The following CHST4 variants were observed in gnomAD, a reference collection of about 807,000 sequenced individuals.
CHST4 encodes GST-3.
For synonymous variants in CHST4, 171 were observed against 195.5 expected, an observed-to-expected ratio of 0.87 and a Z score of 1.05; for missense variants, 466 against 506.0, an observed-to-expected ratio of 0.92 and a Z score of 0.76.
chr16:71,529,541 C>CTTTTT (rs1217192011), intron 1 of CHST4, among the ~76,000 whole-genome samples: 1 of 58,734 alleles, frequency 1.7e-5, no homozygotes, highest in Admixed American at 1.9e-4. Context: ...CCATGCTCAT[C>CTTTTT]TATTTTTTTT....
At position 71,537,091 on chromosome 16, in the gene CHST4, T is replaced by A; in HGVS notation, c.414T>A (p.Cys138Ter). The A allele has an allele frequency of 1.9e-6, 3 of 1,614,128 alleles. No homozygotes were observed. Among genetic ancestry groups the A allele is most frequent in the Non-Finnish European group, 1.7e-6 (2 of 1,180,006 alleles). ...NSRALCSAPA[C>*]DIIPQDEIIP... is the part of the protein sequence containing the mutation. ...GGGCCCTGTGTTCTGCACCTGCCTGTGACATCATCCCACAAGATGAAATCA... is the reference window on the plus strand; with the variant it reads ...GGGCCCTGTGTTCTGCACCTGCCTGAGACATCATCCCACAAGATGAAATCA... Residue 138 changes from cysteine to a stop codon, truncating the protein, a stop_gained, in exon 2 of 2, where the codon TGT becomes TGA. Coordinates refer to ENST00000539698, the MANE Select transcript of CHST4 (RefSeq NM_001166395.2). LOFTEE classifies it low-confidence loss of function (END_TRUNC). The surrounding 1 kb of genome is among the most constrained non-coding windows in gnomAD (Gnocchi z 4.2).
intron 1 of CHST4, among the ~76,000 whole-genome samples, chr16:71,530,907 C>A (rs576592006): frequency 2.0e-5 from 3 of 152,012 alleles, no homozygotes; most frequent in Admixed American, 6.6e-5. Flanking sequence ...ATGGCGAAAC[C>A]CTGTCTCTAC....
intron 1 of CHST4, among the ~76,000 whole-genome samples, chr16:71,529,605 G>A (rs1490528516): frequency 7.7e-6 from 1 of 129,210 alleles, no homozygotes; most frequent in Non-Finnish European, 1.5e-5. Flanking sequence ...TGACCAGGCT[G>A]GAGTGCAGCG....
Position 71,537,799 on chromosome 16 carries a change from T to C in CHST4, c.1122T>C (p.Asp374=). The C allele has an allele frequency of 5.6e-6, 9 of 1,613,984 alleles. No homozygotes were observed. Among genetic ancestry groups the C allele is most frequent in the Non-Finnish European group, 7.6e-6 (9 of 1,180,008 alleles). The part of the protein sequence containing the change: ...SEQEQRNLLL[D]LLSTWTVPEQ... Reference sequence around the variant, plus strand: ...AAGAACAGAGAAACCTGTTGCTGGATCTTCTGTCTACCTGGACTGTCCCTG... The same window carrying C: ...AAGAACAGAGAAACCTGTTGCTGGACCTTCTGTCTACCTGGACTGTCCCTG... Residue 374 remains aspartate (D), a synonymous_variant, in exon 2 of 2, where the codon GAT becomes GAC. Transcript: ENST00000539698. This position sits in a 1 kb window ranked among gnomAD's most constrained non-coding sequence, Gnocchi z 4.2.
At position 71,530,604 on chromosome 16, in the gene CHST4, A is replaced by T. The variant is rs116168706; in HGVS notation, c.-19+4109A>T. 7.0e-3 allele frequency among the ~76,000 whole-genome samples: 1,057 copies of T among 151,558 alleles called. 12 individuals carry two copies. Among genetic ancestry groups the T allele is most frequent in the African/African-American group, 0.025 (1,014 of 41,266 alleles). On this transcript the variant is annotated intron_variant, in intron 1 of 1. Coordinates refer to ENST00000539698, the MANE Select transcript of CHST4 (RefSeq NM_001166395.2). ...AATATAGTGAGGGCCAGTCTCTAGT[A>T]AAAAATGAAAAAATTATCTGGGTGT...
Position 71,538,105 on chromosome 16 carries a change from G to A in CHST4, c.*267G>A. 2.0e-6 allele frequency: 1 copy of A among 489,164 alleles called. No homozygotes were observed. Among genetic ancestry groups the A allele is most frequent in the Non-Finnish European group, 3.7e-6 (1 of 267,996 alleles). 30.3% of individuals were successfully genotyped at this position (489,164 alleles called of 1,614,324 possible). A position where few individuals can be genotyped will look rare whatever the true frequency, so the allele number is the denominator to read the frequency against. On this transcript the variant is annotated 3_prime_UTR_variant, in exon 2 of 2. Transcript: ENST00000539698. ...CTTCTTTTCTTGATCTTCCTGTCTG[G>A]GCAGACTTCAGAGACTTTGTGGCCT...
intron 1 of CHST4, among the ~76,000 whole-genome samples, chr16:71,528,391 G>A (rs532568243): frequency 6.6e-6 from 1 of 151,532 alleles, no homozygotes; most frequent in Non-Finnish European, 1.5e-5. Flanking sequence ...AAAAAACACT[G>A]TACAAATATA....
Position 71,537,122 on chromosome 16 carries a change from C to T in CHST4, c.445C>T (p.Arg149Trp), listed in dbSNP as rs759658577. The T allele has an allele frequency of 2.0e-5, 33 of 1,614,052 alleles. No homozygotes were observed. In the African/African-American group the frequency reaches 2.8e-4, roughly 14 times the overall value. The change falls in exon 2 of 2, where the codon CGG becomes TGG. Residue 149 changes from arginine (R) to tryptophan (W), a missense_variant. Coordinates refer to ENST00000539698, the MANE Select transcript of CHST4 (RefSeq NM_001166395.2). This position sits in a 1 kb window ranked among gnomAD's most constrained non-coding sequence, Gnocchi z 4.2. Reference sequence around the variant, plus strand: ...CATCCCACAAGATGAAATCATCCCCCGGGCTCACTGCAGGCTCCTGTGCAG... The same window carrying T: ...CATCCCACAAGATGAAATCATCCCCTGGGCTCACTGCAGGCTCCTGTGCAG... ...DIIPQDEIIP[R>W]AHCRLLCSQQ...
chr16:71,529,370 G>C (rs1555535090), intron 1 of CHST4, among the ~76,000 whole-genome samples: 1 of 151,914 alleles, frequency 6.6e-6, no homozygotes, highest in Non-Finnish European at 1.5e-5. Flanking sequence ...AAGTAACTGA[G>C]ACGGCATGGG....
upstream of CHST4, chr16:71,526,375 G>A (rs1356700619): frequency 6.6e-6 from 1 of 152,330 alleles, no homozygotes; most frequent in Non-Finnish European, 1.5e-5. Context: ...AGTAGGGACG[G>A]TTATGCAAAA....
chr16:71,532,332 C>T (rs1567581646), intron 1 of CHST4, among the ~76,000 whole-genome samples: 2 of 152,088 alleles, frequency 1.3e-5, no homozygotes, highest in Non-Finnish European at 2.9e-5. Context: ...CAGACGTGAG[C>T]CACCATGCCC....
Position 71,537,631 on chromosome 16 carries a change from C to T in CHST4, c.954C>T (p.His318=), listed in dbSNP as rs150787264. Residue 318 remains histidine (H), a synonymous_variant, in exon 2 of 2, where the codon CAC becomes CAT. Coordinates refer to ENST00000539698, the MANE Select transcript of CHST4 (RefSeq NM_001166395.2). The surrounding 1 kb of genome is among the most constrained non-coding windows in gnomAD (Gnocchi z 4.2). ...CCCGAGGCAAGGGCATGGGTGACCACGCTTTCCACACAAATGCCAGGGATG... is the reference window on the plus strand; with the variant it reads ...CCCGAGGCAAGGGCATGGGTGACCATGCTTTCCACACAAATGCCAGGGATG... ...NITRGKGMGD[H]AFHTNARDAL... 40 of 1,614,184 alleles carry T rather than the reference C, an allele frequency of 2.5e-5. No individual in the cohort carries two copies. The African/African-American group carries it at 2.5e-4, about 10-fold the overall frequency.
chr16:71,537,073 G>A lies in CHST4; in HGVS notation c.396G>A (p.Leu132=). 6.2e-7 allele frequency: 1 copy of A among 1,614,030 alleles called. No individual in the cohort carries two copies. Among genetic ancestry groups the A allele is most frequent in the East Asian group, 2.2e-5 (1 of 44,884 alleles). ...SLFQWENSRA[L]CSAPACDIIP... is the part of the protein sequence containing the mutation. The stretch of plus-strand genomic sequence containing the variant: ...TTCAGTGGGAGAACAGCCGGGCCCT[G>A]TGTTCTGCACCTGCCTGTGACATCA... The change falls in exon 2 of 2, where the codon CTG becomes CTA. Residue 132 remains leucine (L), a synonymous_variant. Transcript: ENST00000539698. The surrounding 1 kb of genome is among the most constrained non-coding windows in gnomAD (Gnocchi z 4.2).
chr16:71,526,769 T>C (rs546968880), intron 1 of CHST4, among the ~76,000 whole-genome samples: 1 of 152,324 alleles, frequency 6.6e-6, no homozygotes, highest in East Asian at 1.9e-4. Flanking sequence ...GTATATTTTG[T>C]AGATGGTCCC....
chr16:71,533,770 T>C (rs1262959484), intron 1 of CHST4, among the ~76,000 whole-genome samples: 1 of 151,894 alleles, frequency 6.6e-6, no homozygotes, highest in Non-Finnish European at 1.5e-5. Context: ...AGGCTGGGCA[T>C]GGGGGCTCAC....
intron 1 of CHST4, among the ~76,000 whole-genome samples, chr16:71,533,034 G>T (rs537427687): frequency 7.9e-5 from 12 of 151,624 alleles, no homozygotes; most frequent in East Asian, 3.9e-4. Flanking sequence ...ATTTTTTTTT[G>T]ATTTTTTTTT....
Position 71,526,488 on chromosome 16 carries a change from G to A in CHST4, c.-26G>A, listed in dbSNP as rs548208022. 6.6e-6 allele frequency: 1 copy of A among 152,468 alleles called. No individual in the cohort carries two copies. The highest frequency in any genetic ancestry group is 2.1e-4 in the South Asian group (1 of 4,814). The allele number at this position is 152,468 out of a possible 1,614,324, so 9.4% of individuals were successfully genotyped here. ...TCTCAAAAGCAGCAGGGAAGCCCAA[G>A]CCACAAGGTAAGAAGAGAATTTCTG... is the stretch of plus-strand genomic sequence containing the variant. On this transcript the variant is annotated 5_prime_UTR_variant, in exon 1 of 2. Coordinates refer to ENST00000539698, the MANE Select transcript of CHST4 (RefSeq NM_001166395.2).
chr16:71,528,223 C>G (rs1388612876), intron 1 of CHST4, among the ~76,000 whole-genome samples: 2 of 145,818 alleles, frequency 1.4e-5, no homozygotes, highest in Non-Finnish European at 3.0e-5. Context: ...GCACTCCAGC[C>G]TGGACAACAG....
Position 71,537,312 on chromosome 16 carries a change from G to A in CHST4, c.635G>A (p.Arg212His), listed in dbSNP as rs746879634. 33 of 1,614,076 alleles carry A rather than the reference G, an allele frequency of 2.0e-5. No homozygotes were observed. Among genetic ancestry groups the A allele is most frequent in the Admixed American group, 1.7e-4 (10 of 60,010 alleles). Residue 212 changes from arginine (R) to histidine (H), a missense_variant, in exon 2 of 2, where the codon CGT (arginine) becomes CAT (histidine). Physicochemically the swap from Arg to His is conservative, Grantham distance 29. Transcript: ENST00000539698. The surrounding 1 kb of genome is among the most constrained non-coding windows in gnomAD (Gnocchi z 4.2). Reference protein sequence around the residue: ...HLVRDPRAVFRSRERTKGDLM... With the variant: ...HLVRDPRAVFHSRERTKGDLM... The stretch of plus-strand genomic sequence containing the variant: ...GTCCGGGACCCCCGGGCCGTGTTCC[G>A]TTCCCGAGAACGCACAAAGGGAGAT...
Sources: allele counts gnomAD v4.1 joint callset (sites outside exome capture counted in the v4.1 genomes callset), GRCh38; gene constraint gnomAD v4.1.1; non-coding constraint Gnocchi (gnomAD v3.1); transcripts MANE v1.5; gene names NCBI Gene and HGNC (gene_info 2026-07-23, HGNC 2026-07-21).